PINX1: variants seen among roughly 807,000 people sequenced by gnomAD.
PINX1 encodes the protein PIN2/TERF1-interacting telomerase inhibitor 1.
Under a neutral mutation model 25.4 loss-of-function variants are expected in PINX1, and 34 were observed. The ratio of observed to expected loss-of-function variants is 1.34; its 90% CI spans 1.02 to 1.78. The LOEUF (loss-of-function observed/expected upper bound fraction) is 1.78. Ranked by LOEUF, PINX1 falls within the 40% of genes most tolerant of loss-of-function variation. PINX1 has a pLI of 0.00. For missense variants in PINX1, 592 were observed against 404.9 expected (o/e 1.46, Z -3.97); for synonymous variants, 197 against 147.7 (o/e 1.33, Z -2.42).
At chr8:10,797,529 G>T (rs1478438819) in intron 6 of PINX1, among the ~76,000 whole-genome samples, 2 of 151,994 alleles carry the variant, frequency 1.3e-5, no homozygotes, top group African/African-American at 4.8e-5. Flanking sequence ...AAACAAACAG[G>T]GCCTAAGTCA....
chr8:10,803,607 A>C (rs1348431058), intron 6 of PINX1, among the ~76,000 whole-genome samples: 1 of 152,192 alleles, frequency 6.6e-6, no homozygotes, highest in East Asian at 1.9e-4. Flanking sequence ...TCTATAACTT[A>C]TATTTTCTGT....
intron 6 of PINX1, among the ~76,000 whole-genome samples, chr8:10,795,099 T>C (rs990422721): frequency 6.6e-6 from 1 of 152,250 alleles, no homozygotes; most frequent in Non-Finnish European, 1.5e-5. Flanking sequence ...CAAAAGCTTC[T>C]TGACTTTATA....
chr8:10,781,684 T>A (rs1306359550), intron 6 of PINX1, among the ~76,000 whole-genome samples: 1 of 152,120 alleles, frequency 6.6e-6, no homozygotes, highest in East Asian at 1.9e-4. Context: ...AGATAAGAGA[T>A]AATAAGTGTT....
intron 6 of PINX1, among the ~76,000 whole-genome samples, chr8:10,778,155 A>G (rs1476479676): frequency 6.6e-6 from 1 of 152,106 alleles, no homozygotes; most frequent in African/African-American, 2.4e-5. Flanking sequence ...TAACTCTTGG[A>G]AAAAAACCTA....
intron 6 of PINX1, among the ~76,000 whole-genome samples, chr8:10,817,930 T>TA (rs35830154): frequency 6.6e-6 from 1 of 151,806 alleles, no homozygotes; most frequent in Non-Finnish European, 1.5e-5. Flanking sequence ...GGGGAGGAAT[T>TA]AAAAAAAAAT....
In PINX1 at chr8:10,772,530, G is replaced by A. The variant is rs186201686; in HGVS notation, c.472-6614C>T. The stretch of plus-strand genomic sequence containing the variant: ...TTTACACTCACAAAAAGCTTTTCAA[G>A]TGTGAAATCTTGTACATTTTTCAAG... On this transcript the variant is annotated intron_variant, in intron 6 of 6. Coordinates refer to ENST00000314787, the MANE Select transcript of PINX1 (RefSeq NM_017884.6). Among the ~76,000 whole-genome samples, 5 of 152,356 alleles carry A rather than the reference G, an allele frequency of 3.3e-5. No individual in the cohort carries two copies. In the East Asian group the frequency reaches 9.6e-4, roughly 29 times the overall value.
intron 6 of PINX1, among the ~76,000 whole-genome samples, chr8:10,814,926 T>C (rs1797653822): frequency 6.6e-6 from 1 of 152,178 alleles, no homozygotes; most frequent in African/African-American, 2.4e-5. Flanking sequence ...TAAAACACAG[T>C]GAAGCAATTT....
chr8:10,785,296 G>A (rs1801713219), intron 6 of PINX1, among the ~76,000 whole-genome samples: 1 of 152,180 alleles, frequency 6.6e-6, no homozygotes, highest in Non-Finnish European at 1.5e-5. Context: ...ATTATTCTAT[G>A]GAAGGATTGG....
chr8:10,777,479 G>C (rs1358484764), intron 6 of PINX1, among the ~76,000 whole-genome samples: 1 of 152,194 alleles, frequency 6.6e-6, no homozygotes, highest in Non-Finnish European at 1.5e-5. Flanking sequence ...CACCTTATCA[G>C]CTTTTCCTGC....
At chr8:10,837,360 T>C (rs1043524025) in intron 1 of PINX1, among the ~76,000 whole-genome samples, 1 of 152,234 alleles carries the variant, frequency 6.6e-6, no homozygotes, top group Non-Finnish European at 1.5e-5. Context: ...CTCTGGAAGC[T>C]TGACGCCTGG....
At position 10,836,017 on chromosome 8, in the gene PINX1, G is replaced by A. The variant is rs534297220; in HGVS notation, c.20-1242C>T. Among the ~76,000 whole-genome samples, 3 of 152,212 alleles carry A rather than the reference G, an allele frequency of 2.0e-5. No individual in the cohort carries two copies. In the South Asian group the frequency reaches 6.2e-4, roughly 32 times the overall value. ...ACTGTGGCGAAATGAGAAATTTGGA[G>A]GTGTCATTATCATTTATCTGCCACA... is the stretch of plus-strand genomic sequence containing the variant. On this transcript the variant is annotated intron_variant, in intron 1 of 6. Coordinates refer to ENST00000314787, the MANE Select transcript of PINX1 (RefSeq NM_017884.6).
At position 10,765,998 on chromosome 8, in the gene PINX1, C is replaced by T. The variant is rs1389751146; in HGVS notation, c.472-82G>A. 43 of 1,386,600 alleles carry T rather than the reference C, an allele frequency of 3.1e-5. No individual in the cohort carries two copies. The East Asian group carries it at 8.2e-4, about 27-fold the overall frequency. 85.9% of individuals were successfully genotyped at this position (1,386,600 alleles called of 1,614,324 possible). A position where few individuals can be genotyped will look rare whatever the true frequency, so the allele number is the denominator to read the frequency against. On this transcript the variant is annotated intron_variant, in intron 6 of 6. Transcript: ENST00000314787. ...GCACCCAGGAGGCACCCACACCCGG[C>T]GCTCACACCTGGCACCCACACCCGG...
intron 6 of PINX1, among the ~76,000 whole-genome samples, chr8:10,818,971 C>A (rs1312782712): frequency 6.6e-6 from 1 of 152,194 alleles, no homozygotes; most frequent in Non-Finnish European, 1.5e-5. Context: ...CAACCAGAAG[C>A]CAGCCTGTCT....
At chr8:10,787,969 T>C (rs974061680) in intron 6 of PINX1, 11 of 365,166 alleles carry the variant, frequency 3.0e-5, no homozygotes, top group Non-Finnish European at 5.8e-5. Context: ...TGGGGAAACT[T>C]GAACATTGAC....
rs373200002 is a variant in PINX1, at chr8:10,806,746, C to T, written c.471+13447G>A. ...GAAAAACTGACCCCCAGAGGCTCTG[C>T]CGGCAGGCCCTAGGATGCAGCGGAG... On this transcript the variant is annotated intron_variant, in intron 6 of 6. Coordinates refer to ENST00000314787, the MANE Select transcript of PINX1 (RefSeq NM_017884.6). 4.9e-4 allele frequency among the ~76,000 whole-genome samples: 75 copies of T among 152,224 alleles called. No individual in the cohort carries two copies. The South Asian group carries it at 0.015, about 31-fold the overall frequency.
At chr8:10,813,624 G>A (rs569815214) in intron 6 of PINX1, among the ~76,000 whole-genome samples, 4 of 152,176 alleles carry the variant, frequency 2.6e-5, no homozygotes, top group Non-Finnish European at 5.9e-5. Flanking sequence ...AAAGCCAGCA[G>A]AAGAATTTCA....
At chr8:10,813,620 A>G (rs565063609) in intron 6 of PINX1, among the ~76,000 whole-genome samples, 3 of 152,334 alleles carry the variant, frequency 2.0e-5, no homozygotes, top group South Asian at 2.1e-4. Flanking sequence ...AGCAAAAGCC[A>G]GCAGAAGAAT....
At chr8:10,797,127 C>T (rs536692445) in intron 6 of PINX1, among the ~76,000 whole-genome samples, 6 of 152,138 alleles carry the variant, frequency 3.9e-5, no homozygotes, top group South Asian at 2.1e-4. Context: ...GTGTTGCTGC[C>T]GTGGAGGGAG....
At chr8:10,831,444 T>C (rs745832758) in intron 4 of PINX1, among the ~76,000 whole-genome samples, 6 of 152,230 alleles carry the variant, frequency 3.9e-5, no homozygotes, top group Non-Finnish European at 7.3e-5. Flanking sequence ...AGATTTTAAA[T>C]GCTCCCAACA....
Sources: gnomAD v4.1 joint callset for allele counts (sites outside exome capture counted in the v4.1 genomes callset) on GRCh38, gnomAD v4.1.1 for gene constraint, MANE v1.5 for transcripts, NCBI Gene and HGNC (gene_info 2026-07-23, HGNC 2026-07-21) for gene names.